PRAMEF1: variants seen among roughly 807,000 people sequenced by gnomAD.
PRAMEF1 encodes PRAME family member 1.
In PRAMEF1, 21 loss-of-function variants were observed where a neutral mutation model predicts 38.2. The ratio of observed to expected loss-of-function variants is 0.55; its 90% CI spans 0.39 to 0.79. PRAMEF1 has a LOEUF of 0.79. PRAMEF1 is among the 30% of genes least tolerant of loss of function. The pLI is 0.00. For missense variants in PRAMEF1, 497 were observed against 565.8 expected (o/e 0.88, Z 1.23); for synonymous variants, 200 against 229.0 (o/e 0.87, Z 1.14).
At position 12,791,404 on chromosome 1, in the gene PRAMEF1, G is replaced by T. The variant is rs1285442859; in HGVS notation, c.-96G>T. On this transcript the variant is annotated 5_prime_UTR_variant, in exon 1 of 4. Transcript: ENST00000332296. ...TGAGGGTACCCAGAAGAGACCCACAGCACTCATTCCTGGAGCTACTGGTTG... is the reference window on the plus strand; with the variant it reads ...TGAGGGTACCCAGAAGAGACCCACATCACTCATTCCTGGAGCTACTGGTTG... The T allele has an allele frequency of 6.9e-6, 1 of 144,416 alleles. No individual in the cohort carries two copies. Among genetic ancestry groups the T allele is most frequent in the Admixed American group, 7.0e-5 (1 of 14,204 alleles). 8.9% of individuals were successfully genotyped at this position (144,416 alleles called of 1,614,324 possible).
Position 12,794,232 on chromosome 1 carries a change from T to C in PRAMEF1, c.605T>C (p.Ile202Thr), listed in dbSNP as rs1331581748. The change falls in exon 3 of 4, where the codon ATA (isoleucine) becomes ACA (threonine). Residue 202 changes from isoleucine to threonine, a missense_variant. Physicochemically the swap from Ile to Thr is moderately conservative, Grantham distance 89. This residue lies in a region of PRAMEF1 where 470 missense variants were observed against 501.9 expected (regional missense o/e 0.94). Coordinates refer to ENST00000332296, the MANE Select transcript of PRAMEF1 (RefSeq NM_023013.4). Reference sequence around the variant, plus strand: ...TATCTCAGAAAGTCATTGAAAATAATATACCTGAATAGTATTCAAGAGCTG... The same window carrying C: ...TATCTCAGAAAGTCATTGAAAATAACATACCTGAATAGTATTCAAGAGCTG... ...IKYLRKSLKI[I>T]YLNSIQELEI... 1 of 1,611,658 alleles carries C rather than the reference T, an allele frequency of 6.2e-7. No homozygotes were observed. The highest frequency in any genetic ancestry group is 8.5e-7 in the Non-Finnish European group (1 of 1,178,528).
In PRAMEF1 at chr1:12,793,484, A is replaced by G. The variant is rs764053349; in HGVS notation, c.257A>G (p.His86Arg). Residue 86 changes from histidine (H) to arginine (R), a missense_variant, in exon 2 of 4, where the codon CAT becomes CGT. Physicochemically the swap from His to Arg is conservative, Grantham distance 29. This residue lies in a region of PRAMEF1 where 470 missense variants were observed against 501.9 expected (regional missense o/e 0.94). Coordinates refer to ENST00000332296, the MANE Select transcript of PRAMEF1 (RefSeq NM_023013.4). ...TTAAAAGCATTGCTGGAAGGGCTTC[A>G]TATGCTGCTTACACAGAAGGATCGC... ...ETLKALLEGL[H>R]MLLTQKDRPR... 6.2e-7 allele frequency: 1 copy of G among 1,608,908 alleles called. No individual in the cohort carries two copies. The highest frequency in any genetic ancestry group is 8.5e-7 in the Non-Finnish European group (1 of 1,177,752).
At chr1:12,793,757 AT>A (rs1160643434) in intron 2 of PRAMEF1, among the ~76,000 whole-genome samples, 157 bp from the exon 3 acceptor site, 1 of 151,424 alleles carries the variant, frequency 6.6e-6, no homozygotes, top group African/African-American at 2.4e-5. Context: ...GAAGTGGGGA[AT>A]CAAAAGTCAG....
Position 12,795,566 on chromosome 1 carries a change from T to A in PRAMEF1, c.995T>A (p.Leu332Gln). The A allele has an allele frequency of 6.2e-7, 1 of 1,612,460 alleles. No individual in the cohort carries two copies. The highest frequency in any genetic ancestry group is 1.1e-5 in the South Asian group (1 of 90,992). The stretch of plus-strand genomic sequence containing the variant: ...CATCTGAATCTCAGCTACGTGCTGC[T>A]GTTCCGCATCAGTCTTGAACCCCTC... ...LKHLNLSYVL[L>Q]FRISLEPLGA... The change falls in exon 4 of 4, where the codon CTG (leucine) becomes CAG (glutamine). Residue 332 changes from leucine to glutamine, a missense_variant. Around this residue, in one of 2 missense-constraint regions of PRAMEF1, gnomAD observed 470 missense variants for 501.9 expected, o/e 0.94. Coordinates refer to ENST00000332296, the MANE Select transcript of PRAMEF1 (RefSeq NM_023013.4).
rs543219469 is a variant in PRAMEF1, at chr1:12,793,809, A to C, written c.288-106A>C. On this transcript the variant is annotated intron_variant, in intron 2 of 3. Coordinates refer to ENST00000332296, the MANE Select transcript of PRAMEF1 (RefSeq NM_023013.4). The stretch of plus-strand genomic sequence containing the variant: ...GGGATTGAGAAAAGACAAAGAGAAC[A>C]GGGAGCACTGAGGACAGGAGCAGCT... 3.1e-5 allele frequency: 44 copies of C among 1,419,070 alleles called. 5 individuals are homozygous for C. In the East Asian group the frequency reaches 9.5e-4, roughly 31 times the overall value. 87.9% of individuals were successfully genotyped at this position (1,419,070 alleles called of 1,614,324 possible).
chr1:12,794,782 C>T (rs1252339722), intron 3 of PRAMEF1: 23 of 1,315,178 alleles, frequency 1.7e-5, no homozygotes, highest in Admixed American at 5.1e-5. Flanking sequence ...GTGTGAATTT[C>T]CTGTTACAAA....
At chr1:12,792,871 G>A (rs1051400935) in intron 1 of PRAMEF1, among the ~76,000 whole-genome samples, 1 of 150,846 alleles carries the variant, frequency 6.6e-6, no homozygotes, top group African/African-American at 2.4e-5. Flanking sequence ...TCGATTTTAG[G>A]GAGTCCCTTT....
rs74459295 is a variant in PRAMEF1, at chr1:12,793,266, A to G, written c.39A>G (p.Ala13=). Residue 13 remains alanine (A), a synonymous_variant, in exon 2 of 4, where the codon GCA becomes GCG. Transcript: ENST00000332296. ...CCCCACCCAGACTACTGGAGCTGGCAGGGCAGAGCCTGCTGAGAGACCAGG... is the reference window on the plus strand; with the variant it reads ...CCCCACCCAGACTACTGGAGCTGGCGGGGCAGAGCCTGCTGAGAGACCAGG... The part of the protein sequence containing the change: ...IQAPPRLLEL[A]GQSLLRDQAL... 4.0e-5 allele frequency: 65 copies of G among 1,606,140 alleles called. 5 individuals are homozygous for G. The highest frequency in any genetic ancestry group is 4.6e-5 in the Non-Finnish European group (54 of 1,176,846).
chr1:12,793,786 G>A (rs1451609627), intron 2 of PRAMEF1, 129 bp from the exon 3 acceptor site: 3 of 1,421,470 alleles, frequency 2.1e-6, no homozygotes, highest in East Asian at 2.3e-5. Context: ...AGGGAACAGG[G>A]ATTGAGAAAA....
intron 1 of PRAMEF1, among the ~76,000 whole-genome samples, chr1:12,792,724 G>A (rs1263202560): frequency 6.6e-6 from 1 of 151,182 alleles, no homozygotes. Context: ...GTTTCATTAT[G>A]TAGGCCAGGC....
intron 1 of PRAMEF1, among the ~76,000 whole-genome samples, chr1:12,792,600 A>T (rs2359502): frequency 1.3e-5 from 2 of 151,454 alleles, no homozygotes; most frequent in East Asian, 3.9e-4. Flanking sequence ...TGTTTGAGTC[A>T]GAGTCCAAGT....
At position 12,795,812 on chromosome 1, in the gene PRAMEF1, C is replaced by A; in HGVS notation, c.1241C>A (p.Ala414Asp). 1 of 1,610,530 alleles carries A rather than the reference C, an allele frequency of 6.2e-7. No individual in the cohort carries two copies. Among genetic ancestry groups the A allele is most frequent in the Non-Finnish European group, 8.5e-7 (1 of 1,179,312 alleles). Residue 414 changes from alanine to aspartate, a missense_variant, in exon 4 of 4, where the codon GCC (alanine) becomes GAC (aspartate). Ala to Asp is a moderately radical substitution (Grantham distance 126). Coordinates refer to ENST00000332296, the MANE Select transcript of PRAMEF1 (RefSeq NM_023013.4). ...AAGTTAAGCCTGGAGACGTATCCTG[C>A]CCCTGAGGAGAGTTTGAATTCCTTG... ...LSKLSLETYP[A>D]PEESLNSLVR...
rs2493878 is a variant in PRAMEF1, at chr1:12,795,627, A to G, written c.1056A>G (p.Lys352=). 3.7e-6 allele frequency: 6 copies of G among 1,611,400 alleles called. No homozygotes were observed. The highest frequency in any genetic ancestry group is 2.7e-5 in the African/African-American group (2 of 74,646). Residue 352 remains lysine, a synonymous_variant, in exon 4 of 4, where the codon AAA becomes AAG. Transcript: ENST00000332296. ...TGGAGAAAATTGCTGCCTCTCTCAAAACCCTCATCTTGGAGGGCTGTCAGA... is the reference window on the plus strand; with the variant it reads ...TGGAGAAAATTGCTGCCTCTCTCAAGACCCTCATCTTGGAGGGCTGTCAGA... ...ALLEKIAASL[K]TLILEGCQIH... is the part of the protein sequence containing the mutation.
At position 12,794,536 on chromosome 1, in the gene PRAMEF1, C is replaced by A. The variant is rs374620144; in HGVS notation, c.866+43C>A. On this transcript the variant is annotated intron_variant, in intron 3 of 3. Coordinates refer to ENST00000332296, the MANE Select transcript of PRAMEF1 (RefSeq NM_023013.4). ...ACTTTGTATGCAGACCACAGCATAG[C>A]CTTGTTCTGTAACAGCAAACATTAG... The A allele has an allele frequency of 3.1e-5, 50 of 1,604,090 alleles. 2 individuals carry two copies. Among genetic ancestry groups the A allele is most frequent in the East Asian group, 2.3e-5 (1 of 44,356 alleles).
intron 2 of PRAMEF1, 133 bp from the exon 3 acceptor site, chr1:12,793,782 C>T: frequency 7.1e-7 from 1 of 1,417,128 alleles, no homozygotes; most frequent in Non-Finnish European, 9.6e-7. Flanking sequence ...CAAAAGGGAA[C>T]AGGGATTGAG....
chr1:12,793,419 C>T lies in PRAMEF1; in HGVS notation c.192C>T (p.Leu64=), dbSNP rs1205306905. The T allele has an allele frequency of 6.2e-7, 1 of 1,610,132 alleles. No individual in the cohort carries two copies. The change falls in exon 2 of 4, where the codon CTC becomes CTT. Residue 64 remains leucine, a synonymous_variant. Coordinates refer to ENST00000332296, the MANE Select transcript of PRAMEF1 (RefSeq NM_023013.4). The part of the protein sequence containing the change: ...VMVQAWPFTC[L]PLGSLMKTLH... ...TTCAGGCCTGGCCCTTCACCTGCCT[C>T]CCTCTGGGATCACTGATGAAGACGC... is the stretch of plus-strand genomic sequence containing the variant.
At chr1:12,792,256 A>C (rs1215745199) in intron 1 of PRAMEF1, among the ~76,000 whole-genome samples, 1 of 151,342 alleles carries the variant, frequency 6.6e-6, no homozygotes, top group African/African-American at 2.4e-5. Flanking sequence ...TCCTGACCTC[A>C]GGAGATCTGC....
In PRAMEF1 at chr1:12,794,352, G is replaced by T; in HGVS notation, c.725G>T (p.Cys242Phe). 1 of 1,612,168 alleles carries T rather than the reference G, an allele frequency of 6.2e-7. No homozygotes were observed. The highest frequency in any genetic ancestry group is 1.7e-4 in the Middle Eastern group (1 of 6,050). Residue 242 changes from cysteine to phenylalanine, a missense_variant, in exon 3 of 4, where the codon TGC (cysteine) becomes TTC (phenylalanine). By Grantham distance (205) the Cys-to-Phe change is radical. Coordinates refer to ENST00000332296, the MANE Select transcript of PRAMEF1 (RefSeq NM_023013.4). The part of the protein sequence containing the change: ...KNLRKLVFSR[C>F]HHYTSDNELE... ...CTTCGCAAACTCGTTTTCTCCAGGT[G>T]CCATCATTACACGTCAGATAATGAA...
Position 12,793,827 on chromosome 1 carries a change from G to A in PRAMEF1, c.288-88G>A, listed in dbSNP as rs1569730928. 23 of 1,411,132 alleles carry A rather than the reference G, an allele frequency of 1.6e-5. 3 individuals carry two copies. In the East Asian group the frequency reaches 5.4e-4, roughly 33 times the overall value. 87.4% of individuals were successfully genotyped at this position (1,411,132 alleles called of 1,614,324 possible). On this transcript the variant is annotated intron_variant, in intron 2 of 3. Coordinates refer to ENST00000332296, the MANE Select transcript of PRAMEF1 (RefSeq NM_023013.4). ...AGAGAACAGGGAGCACTGAGGACAG[G>A]AGCAGCTGATTTATGGGATGACAAT...
Sources: allele counts gnomAD v4.1 joint callset (sites outside exome capture counted in the v4.1 genomes callset), GRCh38; gene constraint gnomAD v4.1.1; regional missense constraint gnomAD v4.1.1; transcripts MANE v1.5; gene names NCBI Gene and HGNC (gene_info 2026-07-23, HGNC 2026-07-21).